Variants in SPTB observed in about 807,000 individuals in gnomAD.
SPTB encodes spectrin beta chain, erythrocytic.
In SPTB, 45 loss-of-function variants were observed where a neutral mutation model predicts 256.2. The ratio of observed to expected loss-of-function variants is 0.18; its 90% CI spans 0.14 to 0.23. The LOEUF (loss-of-function observed/expected upper bound fraction) is 0.23. SPTB is among the 10% of genes least tolerant of loss of function. SPTB has a pLI of 1.00. For synonymous variants in SPTB, 1,231 were observed against 1,243.1 expected (o/e 0.99, Z 0.21); for missense variants, 2,715 against 3,040.4 (o/e 0.89, Z 2.52).
At chr14:64,800,051 A>G in intron 8 of SPTB, 117 bp from the exon 9 acceptor site, 1 of 1,306,624 alleles carries the variant, frequency 7.7e-7, no homozygotes, top group Admixed American at 1.7e-5. Flanking sequence ...TAAGCCCTGG[A>G]GTGCTCTAGG....
chr14:64,762,447 T>C (rs2082108534), intron 32 of SPTB, among the ~76,000 whole-genome samples: 1 of 152,170 alleles, frequency 6.6e-6, no homozygotes, highest in African/African-American at 2.4e-5. Flanking sequence ...GGTGCTCAGG[T>C]TGCCAAGGGG....
chr14:64,803,189 G>A (rs748925046), intron 4 of SPTB, among the ~76,000 whole-genome samples: 1 of 152,052 alleles, frequency 6.6e-6, no homozygotes, highest in Non-Finnish European at 1.5e-5. Flanking sequence ...AAATAATCTG[G>A]ACTTTGAATT....
rs1476345998 is a variant in SPTB, at chr14:64,801,298, G to T, written c.750C>A (p.Leu250=). The change falls in exon 7 of 36, where the codon CTC becomes CTA. Residue 250 remains leucine (L), a synonymous_variant. Transcript: ENST00000644917. ...VAERQLGIIP[L]LDPEDVFTEN... The stretch of plus-strand genomic sequence containing the variant: ...GGTGTGGCTCACCTTCGGGGTCGAG[G>T]AGCGGGATGATGCCCAGCTGGCGCT... 3 of 1,613,734 alleles carry T rather than the reference G, an allele frequency of 1.9e-6. No homozygotes were observed. In the Admixed American group the frequency reaches 5.0e-5, roughly 27 times the overall value.
At chr14:64,821,245 G>T (rs2083281582) in intron 2 of SPTB, among the ~76,000 whole-genome samples, 1 of 151,994 alleles carries the variant, frequency 6.6e-6, no homozygotes, top group Non-Finnish European at 1.5e-5. Flanking sequence ...AATTAATTGT[G>T]AACATAGTTC....
intron 2 of SPTB, among the ~76,000 whole-genome samples, chr14:64,813,519 TTTTCTG>T (rs1053123918): frequency 2.0e-5 from 3 of 151,158 alleles, no homozygotes; most frequent in Non-Finnish European, 2.9e-5. Context: ...GTTGTTGTTG[TTTTCTG>T]TTTGTTTGTT....
At chr14:64,803,395 C>T (rs541789310) in intron 4 of SPTB, among the ~76,000 whole-genome samples, 2 of 152,236 alleles carry the variant, frequency 1.3e-5, no homozygotes, top group Non-Finnish European at 2.9e-5. Flanking sequence ...AAAGACCATA[C>T]TACTGAGTGA....
chr14:64,793,235 G>A lies in SPTB; in HGVS notation c.2428C>T (p.Pro810Ser), dbSNP rs767767799. The change falls in exon 14 of 36, where the codon CCC (proline) becomes TCC (serine). Residue 810 changes from proline to serine, a missense_variant. Coordinates refer to ENST00000644917, the MANE Select transcript of SPTB (RefSeq NM_001355436.2). This position sits in a 1 kb window ranked among gnomAD's most constrained non-coding sequence, Gnocchi z 7.0. ...EHLEQQAQGF[P>S]EEFRDSPDVT... ...TCTGGGGAATCCCGAAACTCTTCGG[G>A]GAATCCCTGGGCCTGCTGCTCCAGG... The A allele has an allele frequency of 1.1e-5, 17 of 1,609,444 alleles. No individual in the cohort carries two copies. The highest frequency in any genetic ancestry group is 1.4e-5 in the Non-Finnish European group (16 of 1,180,038).
rs1427472956 is a variant in SPTB, at chr14:64,802,191, G to A, written c.566+35C>T. ...TGCTTGTGCGGAGCAAGGGGCTGGT[G>A]GTGGATGTGCTAACAGCTGGTTCCC... On this transcript the variant is annotated intron_variant, in intron 5 of 35. Coordinates refer to ENST00000644917, the MANE Select transcript of SPTB (RefSeq NM_001355436.2). This position sits in a 1 kb window ranked among gnomAD's most constrained non-coding sequence, Gnocchi z 5.1. 5.7e-6 allele frequency: 9 copies of A among 1,592,836 alleles called. No individual in the cohort carries two copies. In the Admixed American group the frequency reaches 1.5e-4, roughly 27 times the overall value.
intron 1 of SPTB, among the ~76,000 whole-genome samples, chr14:64,863,762 G>GTCCTAGAT (rs1195804369): frequency 6.6e-6 from 1 of 152,208 alleles, no homozygotes; most frequent in African/African-American, 2.4e-5. Context: ...TCTCCCTAGT[G>GTCCTAGAT]TCCTAGATTT....
intron 2 of SPTB, among the ~76,000 whole-genome samples, chr14:64,819,610 C>G (rs1349256607): frequency 2.0e-5 from 3 of 152,126 alleles, no homozygotes; most frequent in Non-Finnish European, 4.4e-5. Flanking sequence ...GGGGAAAGAG[C>G]CCAGAGCTCC....
At chr14:64,774,198 G>T (rs367804061) in intron 24 of SPTB, among the ~76,000 whole-genome samples, 199 bp downstream of exon 24, 1 of 152,182 alleles carries the variant, frequency 6.6e-6, no homozygotes, top group Non-Finnish European at 1.5e-5. Context: ...GGCCTCGATG[G>T]CCCAGCTGGA....
At chr14:64,810,113 A>C (rs901424696) in intron 2 of SPTB, among the ~76,000 whole-genome samples, 2 of 152,226 alleles carry the variant, frequency 1.3e-5, no homozygotes, top group Admixed American at 1.3e-4. Flanking sequence ...TGTCTATCAA[A>C]GAATAGTGTA....
intron 1 of SPTB, among the ~76,000 whole-genome samples, chr14:64,831,093 G>C (rs1424922916): frequency 1.3e-5 from 2 of 151,978 alleles, no homozygotes. Context: ...AGGCAAGATG[G>C]GCTCAGGGAA....
chr14:64,834,091 A>C (rs1358905560), intron 1 of SPTB, among the ~76,000 whole-genome samples: 1 of 152,056 alleles, frequency 6.6e-6, no homozygotes, highest in Non-Finnish European at 1.5e-5. Context: ...CAGTGGCGCT[A>C]TCTCGGCTCA....
chr14:64,864,462 T>G (rs1005444964), intron 1 of SPTB, among the ~76,000 whole-genome samples: 1 of 151,930 alleles, frequency 6.6e-6, no homozygotes, highest in Non-Finnish European at 1.5e-5. Context: ...AACAGAAAAA[T>G]GAAAGAGGTA....
rs2082564025 is a variant in SPTB, at chr14:64,786,198, C to G, written c.3561+206G>C. Among the ~76,000 whole-genome samples the G allele has an allele frequency of 6.6e-6, 1 of 152,164 alleles. No homozygotes were observed. Among genetic ancestry groups the G allele is most frequent in the Admixed American group, 6.5e-5 (1 of 15,288 alleles). Reference sequence around the variant, plus strand: ...CCAGGGCAAAATGCGCTTCTCTAGCCTCTGATAGACCCAAGAACAAGGCGT... The same window carrying G: ...CCAGGGCAAAATGCGCTTCTCTAGCGTCTGATAGACCCAAGAACAAGGCGT... On this transcript the variant is annotated intron_variant, in intron 16 of 35. Coordinates refer to ENST00000644917, the MANE Select transcript of SPTB (RefSeq NM_001355436.2). The surrounding 1 kb of genome is among the most constrained non-coding windows in gnomAD (Gnocchi z 5.6).
intron 1 of SPTB, among the ~76,000 whole-genome samples, chr14:64,865,025 AAGATGCTTGGAGTAG>A (rs1336396943): frequency 2.3e-4 from 35 of 152,258 alleles, no homozygotes; most frequent in African/African-American, 7.5e-4. Flanking sequence ...TAATGTTTGC[AAGATGCTTGGAGTAG>A]ATTTTATCTA....
Position 64,785,483 on chromosome 14 carries a change from C to G in SPTB, c.3855+54G>C. ...GTGGACTTCCTGCCTTGAGGGAACTCTGCTTCTAGAAAGGAATCTCCAGGA... is the reference window on the plus strand; with the variant it reads ...GTGGACTTCCTGCCTTGAGGGAACTGTGCTTCTAGAAAGGAATCTCCAGGA... On this transcript the variant is annotated intron_variant, in intron 18 of 35. Coordinates refer to ENST00000644917, the MANE Select transcript of SPTB (RefSeq NM_001355436.2). This position sits in a 1 kb window ranked among gnomAD's most constrained non-coding sequence, Gnocchi z 4.4. 1 of 1,517,472 alleles carries G rather than the reference C, an allele frequency of 6.6e-7. No homozygotes were observed. Among genetic ancestry groups the G allele is most frequent in the Non-Finnish European group, 9.0e-7 (1 of 1,109,542 alleles). The allele number at this position is 1,517,472 out of a possible 1,614,324, so 94.0% of individuals were successfully genotyped here.
Position 64,793,333 on chromosome 14 carries a change from G to T in SPTB, c.2330C>A (p.Ala777Asp). Reference protein sequence around the residue: ...SGEDVGQDEGATRALGKKHKD... With the variant: ...SGEDVGQDEGDTRALGKKHKD... ...GTGCTTTTTCCCCAGGGCCCGCGTG[G>T]CCCCTTCGTCCTGCCCCACATCTTC... The change falls in exon 14 of 36, where the codon GCC (alanine) becomes GAC (aspartate). Residue 777 changes from alanine (A) to aspartate (D), a missense_variant. Transcript: ENST00000644917. The surrounding 1 kb of genome is among the most constrained non-coding windows in gnomAD (Gnocchi z 7.0). 6.2e-7 allele frequency: 1 copy of T among 1,609,980 alleles called. No homozygotes were observed.
Sources: allele counts gnomAD v4.1 joint callset (sites outside exome capture counted in the v4.1 genomes callset), GRCh38; gene constraint gnomAD v4.1.1; non-coding constraint Gnocchi (gnomAD v3.1); transcripts MANE v1.5; gene names NCBI Gene and HGNC (gene_info 2026-07-23, HGNC 2026-07-21).